ABHD18: variants seen among roughly 807,000 people sequenced by gnomAD.
ABHD18 encodes the protein cardiolipin-specific deacylase, mitochondrial.
Under a neutral mutation model 65.9 loss-of-function variants are expected in ABHD18, and 55 were observed. The ratio of observed to expected loss-of-function variants is 0.84; its 90% confidence interval spans 0.67 to 1.05. The LOEUF (loss-of-function observed/expected upper bound fraction) is 1.05, where lower values mean the gene tolerates loss of function less well. ABHD18 is among the 50% of genes least tolerant of loss of function. The probability of loss-of-function intolerance (pLI) is 0.00; values close to 1 mark genes in which losing one functional copy is unlikely to be tolerated. For synonymous variants in ABHD18, 181 were observed against 180.2 expected, an observed-to-expected ratio of 1.00 and a Z score of -0.04; for missense variants, 533 against 558.5, an observed-to-expected ratio of 0.95 and a Z score of 0.46.
chr4:128,021,344 T>A, intron 10 of ABHD18, 106 bp downstream of exon 10: 1 of 678,314 alleles, frequency 1.5e-6, no homozygotes, highest in Non-Finnish European at 2.4e-6. Flanking sequence ...AACATAGCTG[T>A]ACATACTATT....
At chr4:127,989,537 T>A (rs1269143006) in intron 3 of ABHD18, among the ~76,000 whole-genome samples, 184 bp from the exon 4 acceptor site, 1 of 152,168 alleles carries the variant, frequency 6.6e-6, no homozygotes, top group Admixed American at 6.6e-5. Context: ...ATGTACCCCA[T>A]AATACATTCA....
Position 128,009,205 on chromosome 4 carries a change from A to G in ABHD18, c.442+14A>G, listed in dbSNP as rs756762235. ...AAAACCCTTATTATATCCTTTTGTG[A>G]TATCTAAGAAATCTTTTGCCTTGTT... On this transcript the variant is annotated intron_variant, in intron 6 of 12. Transcript: ENST00000645843. 1.5e-5 allele frequency: 21 copies of G among 1,387,128 alleles called. No individual in the cohort carries two copies. Among genetic ancestry groups the G allele is most frequent in the Admixed American group, 6.9e-5 (2 of 29,108 alleles). 85.9% of individuals were successfully genotyped at this position (1,387,128 alleles called of 1,614,324 possible). A position where few individuals can be genotyped will look rare whatever the true frequency, so the allele number is the denominator to read the frequency against.
rs186087496 is a variant in ABHD18 at position 128,003,962 on chromosome 4, A to C, written c.279-4958A>C. 1.9e-3 allele frequency among the ~76,000 whole-genome samples: 292 copies of C among 149,812 alleles called. 3 individuals are homozygous for C. The highest frequency in any genetic ancestry group is 7.0e-3 in the African/African-American group (285 of 40,520). ...CTGTCTCGATTTAAAAAAAAAAAAA[A>C]CAAAAAAAAACCAAACAAACAAAAA... On this transcript the variant is annotated intron_variant, in intron 4 of 12. Transcript: ENST00000645843.
chr4:128,014,503 ATTTC>A (rs774723414), intron 7 of ABHD18, among the ~76,000 whole-genome samples: 11 of 152,192 alleles, frequency 7.2e-5, no homozygotes, highest in Non-Finnish European at 1.3e-4. Context: ...ATACTATGTA[ATTTC>A]TTCCATGTAG....
At chr4:128,031,240 GTC>G (rs998432668) in intron 12 of ABHD18, 5 of 490,894 alleles carry the variant, frequency 1.0e-5, no homozygotes, top group African/African-American at 2.1e-5. Flanking sequence ...GTATCACGAG[GTC>G]AGGAGATCAA....
chr4:128,031,778 G>A (rs1260127042), intron 12 of ABHD18, among the ~76,000 whole-genome samples: 2 of 152,206 alleles, frequency 1.3e-5, no homozygotes, highest in Non-Finnish European at 2.9e-5. Flanking sequence ...AGTCTCTCAT[G>A]TCTTGAAGGA....
intron 10 of ABHD18, among the ~76,000 whole-genome samples, chr4:128,022,769 C>CTTTTTTT (rs1234304858): frequency 1.5e-5 from 2 of 130,964 alleles, no homozygotes; most frequent in East Asian, 2.2e-4. Flanking sequence ...CGATCCTTTT[C>CTTTTTTT]TTTTTTTTTT....
intron 4 of ABHD18, among the ~76,000 whole-genome samples, chr4:128,007,152 A>G (rs989196967): frequency 1.3e-5 from 2 of 151,990 alleles, no homozygotes; most frequent in South Asian, 4.2e-4. Context: ...TCTCTCAAAG[A>G]AAAAAGAAAT....
chr4:128,017,892 A>G (rs1007637384), intron 8 of ABHD18, among the ~76,000 whole-genome samples: 1 of 152,164 alleles, frequency 6.6e-6, no homozygotes, highest in African/African-American at 2.4e-5. Context: ...AGTGTACTAA[A>G]ATGGATTCCT....
chr4:127,986,531 G>A (rs575978928), intron 3 of ABHD18, among the ~76,000 whole-genome samples: 1 of 152,314 alleles, frequency 6.6e-6, no homozygotes, highest in African/African-American at 2.4e-5. Context: ...GAATACTCAA[G>A]TATGAGATTT....
At chr4:128,026,431 C>A (rs1269009983) in intron 10 of ABHD18, among the ~76,000 whole-genome samples, 2 of 151,622 alleles carry the variant, frequency 1.3e-5, no homozygotes, top group Non-Finnish European at 2.9e-5. Context: ...TGCACTCCAG[C>A]CTGGGTGACA....
intron 6 of ABHD18, 77 bp downstream of exon 6, chr4:128,009,268 G>A (rs1358025793): frequency 2.1e-6 from 2 of 953,076 alleles, no homozygotes; most frequent in East Asian, 6.4e-5. Flanking sequence ...AGGAATGATA[G>A]TAACCAAGTT....
Position 128,038,013 on chromosome 4 carries a change from G to C in ABHD18, c.*2200G>C, listed in dbSNP as rs1260497975. ...GTTGTCTGTGAATTATTTTTAAATA[G>C]GGATTCTTAGTCTACTAACGATATT... On this transcript the variant is annotated 3_prime_UTR_variant, in exon 13 of 13. Coordinates refer to ENST00000645843, the MANE Select transcript of ABHD18 (RefSeq NM_001358451.3). 1 of 152,110 alleles carries C rather than the reference G, an allele frequency of 6.6e-6. No individual in the cohort carries two copies. Among genetic ancestry groups the C allele is most frequent in the Non-Finnish European group, 1.5e-5 (1 of 68,028 alleles). The allele number at this position is 152,110 out of a possible 1,614,324, so 9.4% of individuals were successfully genotyped here. A position where few individuals can be genotyped will look rare whatever the true frequency, so the allele number is the denominator to read the frequency against.
At chr4:127,982,665 A>G (rs1215979650) in intron 1 of ABHD18, among the ~76,000 whole-genome samples, 2 of 152,170 alleles carry the variant, frequency 1.3e-5, no homozygotes, top group African/African-American at 4.8e-5. Flanking sequence ...ATTTTTATCC[A>G]GCAAATAGAG....
intron 4 of ABHD18, among the ~76,000 whole-genome samples, chr4:128,003,890 G>A (rs1325453652): frequency 6.7e-6 from 1 of 149,682 alleles, no homozygotes; most frequent in African/African-American, 2.5e-5. Context: ...GTTGCAGTGA[G>A]CTAAGATCAT....
intron 1 of ABHD18, among the ~76,000 whole-genome samples, chr4:127,981,563 C>G (rs1749055182): frequency 6.6e-6 from 1 of 152,020 alleles, no homozygotes; most frequent in Non-Finnish European, 1.5e-5. Context: ...TGAAAAAAAT[C>G]ATACATATTC....
chr4:127,965,725 G>C (rs778370354), intron 1 of ABHD18, 119 bp downstream of exon 1: 17 of 168,232 alleles, frequency 1.0e-4, no homozygotes, highest in Non-Finnish European at 2.2e-4. Context: ...GAGACTCGCG[G>C]GTCAGGGACG....
intron 4 of ABHD18, among the ~76,000 whole-genome samples, chr4:128,000,952 G>T (rs1752543704): frequency 6.6e-6 from 1 of 152,042 alleles, no homozygotes; most frequent in Admixed American, 6.6e-5. Context: ...TGTTATTGGT[G>T]TATAGAAATG....
At chr4:128,019,722 T>C (rs1489887353) in intron 8 of ABHD18, among the ~76,000 whole-genome samples, 3 of 152,234 alleles carry the variant, frequency 2.0e-5, no homozygotes, top group African/African-American at 7.2e-5. Flanking sequence ...TGATGTTTTA[T>C]AGTTGTGATT....
Sources: gnomAD v4.1 joint callset for allele counts (sites outside exome capture counted in the v4.1 genomes callset) on GRCh38, gnomAD v4.1.1 for gene constraint, MANE v1.5 for transcripts, NCBI Gene and HGNC (gene_info 2026-07-23, HGNC 2026-07-21) for gene names.